The following XPA variants were observed in gnomAD, a reference collection of about 807,000 sequenced individuals.
XPA encodes the protein DNA repair protein complementing XP-A cells.
XPA carries 27 observed loss-of-function variants against 35.7 expected under a neutral mutation model. That is an observed-to-expected ratio of 0.76 (90% confidence interval 0.56 to 1.04). The LOEUF (loss-of-function observed/expected upper bound fraction) is 1.04. Among genes scored for constraint, XPA ranks in the 50% least tolerant of loss-of-function variants. The pLI is 0.00. For synonymous variants in XPA, 133 were observed against 118.4 expected (o/e 1.12, Z -0.80); for missense variants, 354 against 342.7 (o/e 1.03, Z -0.26).
intron 4 of XPA, among the ~76,000 whole-genome samples, chr9:97,686,028 G>A (rs1298809232): frequency 2.0e-5 from 3 of 152,210 alleles, no homozygotes; most frequent in East Asian, 1.9e-4. Flanking sequence ...TTTAATCAGC[G>A]GCATTTAAAA....
chr9:97,655,812 A>G, the XPA span: 1 of 1,524,618 alleles, frequency 6.6e-7, no homozygotes, highest in Non-Finnish European at 9.0e-7. Flanking sequence ...AAAACTACTA[A>G]TGTTTAAAAC....
chr9:97,687,523 T>C (rs1828758795), intron 3 of XPA, among the ~76,000 whole-genome samples: 1 of 152,076 alleles, frequency 6.6e-6, no homozygotes, highest in Non-Finnish European at 1.5e-5. Context: ...AGGGCAGGGG[T>C]GTATTTTGCA....
At chr9:97,655,078 T>A in the XPA span, 1 of 643,484 alleles carries the variant, frequency 1.6e-6, no homozygotes, top group Non-Finnish European at 2.5e-6. Flanking sequence ...AACCTTTGTA[T>A]AATAACCAGA....
chr9:97,678,005 G>T (rs775130501), intron 5 of XPA, among the ~76,000 whole-genome samples: 5 of 152,122 alleles, frequency 3.3e-5, no homozygotes, highest in Admixed American at 2.0e-4. Context: ...TTTAAAACTG[G>T]ATGTATCAGT....
chr9:97,662,152 TG>T, the XPA span: 2 of 1,600,526 alleles, frequency 1.2e-6, no homozygotes, highest in Non-Finnish European at 1.7e-6. Context: ...AAAGTATGTA[TG>T]AGTACAGAGC....
chr9:97,674,428 A>C (rs897546472), downstream of XPA, among the ~76,000 whole-genome samples: 1 of 152,134 alleles, frequency 6.6e-6, no homozygotes, highest in African/African-American at 2.4e-5. Flanking sequence ...ATTAAAGAAA[A>C]AAAAATGGAA....
chr9:97,689,668 C>A, intron 2 of XPA, 29 bp from the exon 3 acceptor site: 2 of 1,367,718 alleles, frequency 1.5e-6, no homozygotes, highest in South Asian at 1.2e-5. Flanking sequence ...ACTCTAGTTT[C>A]CTTTTTTATG....
At chr9:97,689,698 C>T (rs1035774128) in intron 2 of XPA, 59 bp from the exon 3 acceptor site, 82 of 1,022,846 alleles carry the variant, frequency 8.0e-5, no homozygotes, top group Non-Finnish European at 1.2e-4. Context: ...ATATATTTTC[C>T]TCTATTTTAT....
chr9:97,676,186 ATGTT>A (rs1828360708), intron 5 of XPA, among the ~76,000 whole-genome samples: 1 of 152,218 alleles, frequency 6.6e-6, no homozygotes, highest in African/African-American at 2.4e-5. Flanking sequence ...GAATCACAGA[ATGTT>A]AAGAGCTGGA....
At chr9:97,687,675 T>G (rs536841506) in intron 3 of XPA, among the ~76,000 whole-genome samples, 1 of 152,064 alleles carries the variant, frequency 6.6e-6, no homozygotes, top group African/African-American at 2.4e-5. Flanking sequence ...CTAGAAGGTT[T>G]TGAGCAAAAT....
intron 1 of XPA, among the ~76,000 whole-genome samples, chr9:97,695,973 C>A (rs530612595): frequency 6.6e-6 from 1 of 152,298 alleles, no homozygotes; most frequent in East Asian, 1.9e-4. Flanking sequence ...GACCTGGAAA[C>A]CTTTATGGAA....
chr9:97,680,051 A>G (rs1366260528), intron 5 of XPA, among the ~76,000 whole-genome samples: 2 of 152,226 alleles, frequency 1.3e-5, no homozygotes, highest in Non-Finnish European at 2.9e-5. Context: ...GCAGCTATCA[A>G]TATGCATCAT....
chr9:97,662,207 A>AT, the XPA span: 61 of 1,198,816 alleles, frequency 5.1e-5, no homozygotes, highest in African/African-American at 8.2e-4. Flanking sequence ...CACCAGTGGT[A>AT]TGGTAATTTT....
At chr9:97,655,291 A>G in the XPA span, among the ~76,000 whole-genome samples, 4 of 152,246 alleles carry the variant, frequency 2.6e-5, no homozygotes, top group South Asian at 4.1e-4. Flanking sequence ...GCTCATTGTA[A>G]CCTTGAACTT....
At chr9:97,665,095 G>C in the XPA span, among the ~76,000 whole-genome samples, 39 of 152,314 alleles carry the variant, frequency 2.6e-4, no homozygotes, top group African/African-American at 9.4e-4. Flanking sequence ...CAAATTACTT[G>C]TAAAAACATA....
At chr9:97,665,418 T>C in the XPA span, among the ~76,000 whole-genome samples, 1 of 152,170 alleles carries the variant, frequency 6.6e-6, no homozygotes, top group Non-Finnish European at 1.5e-5. Context: ...TGTCACAGAG[T>C]GCTTTATCCT....
Position 97,697,261 on chromosome 9 carries a change from G to A in XPA, c.32C>T (p.Ala11Val). ...CTCCGCGGGTTGCTCTAAAGCCGCC[G>A]CCTCCGGCAAAGCCCCGTCGGCCGC... MAAADGALPE[A>V]AALEQPAELP... Residue 11 changes from alanine (A) to valine (V), a missense_variant, in exon 1 of 6, where the codon GCG (alanine) becomes GTG (valine). Transcript: ENST00000375128. 1.3e-6 allele frequency: 2 copies of A among 1,599,424 alleles called. No homozygotes were observed. Among genetic ancestry groups the A allele is most frequent in the Non-Finnish European group, 8.5e-7 (1 of 1,179,180 alleles).
At chr9:97,669,729 G>C in the XPA span, 1 of 1,429,398 alleles carries the variant, frequency 7.0e-7, no homozygotes, top group Non-Finnish European at 9.9e-7. Context: ...CTTCGATTAG[G>C]TAATAACACT....
chr9:97,661,904 T>C, the XPA span: 1 of 504,860 alleles, frequency 2.0e-6, no homozygotes, highest in Middle Eastern at 5.1e-4. Flanking sequence ...GACGGTCTTT[T>C]ATTGTTTATT....
Sources: allele counts gnomAD v4.1 joint callset (sites outside exome capture counted in the v4.1 genomes callset), GRCh38; gene constraint gnomAD v4.1.1; transcripts MANE v1.5; gene names NCBI Gene and HGNC (gene_info 2026-07-23, HGNC 2026-07-21).